MIDEAS: variants seen among roughly 807,000 people sequenced by gnomAD.
MIDEAS encodes the protein mitotic deacetylase associated SANT domain protein.
Under a neutral mutation model 102.7 loss-of-function variants are expected in MIDEAS, and 26 were observed. The ratio of observed to expected loss-of-function variants is 0.25; its 90% CI spans 0.19 to 0.35. The LOEUF is 0.35. Ranked by LOEUF, MIDEAS falls within the 10% of genes least tolerant of loss-of-function variation. MIDEAS has a pLI of 1.00. For missense variants in MIDEAS, 1,231 were observed against 1,435.6 expected (o/e 0.86, Z 2.30); for synonymous variants, 585 against 591.0 (o/e 0.99, Z 0.15).
chr14:73,771,960 G>A (rs890881217), intron 1 of MIDEAS, among the ~76,000 whole-genome samples: 1 of 152,244 alleles, frequency 6.6e-6, no homozygotes, highest in African/African-American at 2.4e-5. Context: ...CCTGAAGTAA[G>A]AGGCAGCCCA....
intron 1 of MIDEAS, among the ~76,000 whole-genome samples, chr14:73,779,539 ATT>A (rs113477317): frequency 1.4e-5 from 2 of 139,418 alleles, no homozygotes; most frequent in African/African-American, 5.2e-5. Context: ...ACATTCTTTT[ATT>A]TTTTTTTAAT....
In MIDEAS at chr14:73,739,853, T is replaced by A. The variant is rs2053260529; in HGVS notation, c.156A>T (p.Pro52=). The A allele has an allele frequency of 4.4e-6, 7 of 1,598,274 alleles. No individual in the cohort carries two copies. The highest frequency in any genetic ancestry group is 6.0e-6 in the Non-Finnish European group (7 of 1,170,154). ...GCTGAGAGGTGGAGACTGCCCCTCC[T>A]GGACCCTCGTGCCCGAGGTACTGCT... is the stretch of plus-strand genomic sequence containing the variant. ...KEEQYLGHEG[P]GGAVSTSQPV... is the part of the protein sequence containing the mutation. The change falls in exon 2 of 13, where the codon CCA becomes CCT. Residue 52 remains proline (P), a synonymous_variant. Transcript: ENST00000423556.
chr14:73,760,388 C>T (rs1566604033), upstream of MIDEAS: 1 of 152,280 alleles, frequency 6.6e-6, no homozygotes, highest in Non-Finnish European at 1.5e-5. The surrounding 1 kb of genome is among the most constrained non-coding windows in gnomAD (Gnocchi z 4.8). Context: ...CGTCCTTAAA[C>T]CTCAGGCGGC....
In MIDEAS at chr14:73,739,439, C is replaced by T; in HGVS notation, c.570G>A (p.Glu190=). 1 of 1,591,108 alleles carries T rather than the reference C, an allele frequency of 6.3e-7. No individual in the cohort carries two copies. Among genetic ancestry groups the T allele is most frequent in the Non-Finnish European group, 8.6e-7 (1 of 1,167,526 alleles). ...RPMMPQKVQL[E]VGRPQAPLNS... ...TCAGGGGTGCCTGGGGCCGCCCTACCTCCAGCTGCACCTTCTGTGGCATCA... is the reference window on the plus strand; with the variant it reads ...TCAGGGGTGCCTGGGGCCGCCCTACTTCCAGCTGCACCTTCTGTGGCATCA... Residue 190 remains glutamate, a synonymous_variant, in exon 2 of 13, where the codon GAG becomes GAA. Coordinates refer to ENST00000423556, the MANE Select transcript of MIDEAS (RefSeq NM_001367710.1).
Position 73,742,827 on chromosome 14 carries a change from A to C in MIDEAS, c.-247-2572T>G, listed in dbSNP as rs941613961. ...GGGGAGAAGAGTGGAAGATACTGGC[A>C]GCCTGGGAGGAAGGGTGAAGAGGCA... On this transcript the variant is annotated intron_variant, in intron 1 of 12. Transcript: ENST00000423556. This position sits in a 1 kb window ranked among gnomAD's most constrained non-coding sequence, Gnocchi z 4.4. Among the ~76,000 whole-genome samples the C allele has an allele frequency of 2.0e-5, 3 of 152,142 alleles. No homozygotes were observed. The highest frequency in any genetic ancestry group is 7.2e-5 in the African/African-American group (3 of 41,432).
At chr14:73,745,991 C>T (rs538211949) in intron 1 of MIDEAS, among the ~76,000 whole-genome samples, 5 of 152,286 alleles carry the variant, frequency 3.3e-5, no homozygotes, top group African/African-American at 1.2e-4. Context: ...GTCACGAGTC[C>T]CAGGGGTCTC....
chr14:73,748,423 C>A (rs958450030), intron 1 of MIDEAS, among the ~76,000 whole-genome samples: 1 of 152,072 alleles, frequency 6.6e-6, no homozygotes, highest in African/African-American at 2.4e-5. Flanking sequence ...CCCAGCTACT[C>A]GGGAGGCTGA....
intron 1 of MIDEAS, among the ~76,000 whole-genome samples, chr14:73,752,492 G>A (rs1402098537): frequency 6.6e-6 from 1 of 152,202 alleles, no homozygotes; most frequent in Non-Finnish European, 1.5e-5. Context: ...GGTTGGATGG[G>A]TCGGTGTCTG....
In MIDEAS at chr14:73,737,204, G is replaced by A; in HGVS notation, c.1543C>T (p.Arg515Ter). 1 of 1,614,120 alleles carries A rather than the reference G, an allele frequency of 6.2e-7. No homozygotes were observed. Among genetic ancestry groups the A allele is most frequent in the Non-Finnish European group, 8.5e-7 (1 of 1,180,030 alleles). Residue 515 changes from arginine to a stop codon, truncating the protein, a stop_gained, in exon 3 of 13, where the codon CGA (arginine) becomes TGA (stop). Coordinates refer to ENST00000423556, the MANE Select transcript of MIDEAS (RefSeq NM_001367710.1). LOFTEE classifies it high-confidence loss of function. ...EFSEPSLATK[R>*]AREDSGMVPL... is the part of the protein sequence containing the mutation. ...ACCATCCCACTGTCTTCTCGTGCTC[G>A]CTTGGTGGCTAAGGAAGGCTCAGAA...
Position 73,739,483 on chromosome 14 carries a change from C to A in MIDEAS, c.526G>T (p.Asp176Tyr). The A allele has an allele frequency of 6.2e-7, 1 of 1,610,888 alleles. No homozygotes were observed. The highest frequency in any genetic ancestry group is 2.2e-5 in the East Asian group (1 of 44,884). Residue 176 changes from aspartate to tyrosine, a missense_variant, in exon 2 of 13, where the codon GAC (aspartate) becomes TAC (tyrosine). Physicochemically the swap from Asp to Tyr is radical, Grantham distance 160. Transcript: ENST00000423556. ...KREKAGGPQL[D>Y]RYVRPMMPQK... ...GGCATCATTGGTCGCACATAGCGGT[C>A]CAGCTGTGGGCCCCCCGCTTTCTCC... is the stretch of plus-strand genomic sequence containing the variant.
intron 1 of MIDEAS, among the ~76,000 whole-genome samples, chr14:73,753,751 G>A (rs1419360553): frequency 1.3e-5 from 2 of 152,254 alleles, no homozygotes; most frequent in East Asian, 1.9e-4. Context: ...CTGCAGGCAC[G>A]CAGAGCTTCC....
At chr14:73,737,405 C>A (rs2053217212) in intron 2 of MIDEAS, 108 bp from the exon 3 acceptor site, 6 of 1,252,802 alleles carry the variant, frequency 4.8e-6, no homozygotes, top group South Asian at 3.0e-5. Context: ...TAAAGGATCA[C>A]TTGACGCCAC....
At chr14:73,772,674 A>G (rs1365188227) in intron 1 of MIDEAS, among the ~76,000 whole-genome samples, 2 of 152,164 alleles carry the variant, frequency 1.3e-5, no homozygotes, top group East Asian at 1.9e-4. Context: ...TAATAAATAG[A>G]TATCTTTGTA....
intron 1 of MIDEAS, among the ~76,000 whole-genome samples, chr14:73,771,749 G>T (rs1000197688): frequency 3.3e-5 from 5 of 152,236 alleles, no homozygotes; most frequent in African/African-American, 4.8e-5. Flanking sequence ...TGAACTGGAT[G>T]GATGTGGCTA....
At chr14:73,789,322 C>T (rs538800105), upstream of MIDEAS, among the ~76,000 whole-genome samples, 32 of 152,298 alleles carry the variant, frequency 2.1e-4, no homozygotes, top group African/African-American at 6.5e-4. Flanking sequence ...CTGCCACGTC[C>T]TAAGGCAGCC....
chr14:73,766,123 C>G (rs964298795), intron 1 of MIDEAS, among the ~76,000 whole-genome samples: 5 of 152,340 alleles, frequency 3.3e-5, no homozygotes, highest in South Asian at 2.1e-4. Flanking sequence ...TCCTAAGGAC[C>G]AGACAGCCAC....
chr14:73,727,221 C>T (rs1290374861), intron 5 of MIDEAS: 4 of 625,562 alleles, frequency 6.4e-6, no homozygotes, highest in Non-Finnish European at 1.1e-5. Flanking sequence ...CTGGACCCCC[C>T]TTTCAACTCT....
chr14:73,737,308 T>C lies in MIDEAS; in HGVS notation c.1450-11A>G, dbSNP rs1322377773. 2 of 1,604,628 alleles carry C rather than the reference T, an allele frequency of 1.2e-6. No homozygotes were observed. Among genetic ancestry groups the C allele is most frequent in the African/African-American group, 2.7e-5 (2 of 74,708 alleles). The stretch of plus-strand genomic sequence containing the variant: ...AGAACCACTGCCATCCTGGACAAGA[T>C]GGGAACAGAAGTGCAATTTAAAAGG... On this transcript the variant is annotated splice_polypyrimidine_tract_variant and intron_variant, in intron 2 of 12. Transcript: ENST00000423556.
At chr14:73,744,438 T>C (rs1767386524) in intron 1 of MIDEAS, among the ~76,000 whole-genome samples, 1 of 152,212 alleles carries the variant, frequency 6.6e-6, no homozygotes, top group Non-Finnish European at 1.5e-5. Context: ...GGCTCAGCTC[T>C]GACCTGGGGA....
Sources: allele counts gnomAD v4.1 joint callset (sites outside exome capture counted in the v4.1 genomes callset), GRCh38; gene constraint gnomAD v4.1.1; non-coding constraint Gnocchi (gnomAD v3.1); transcripts MANE v1.5; gene names NCBI Gene and HGNC (gene_info 2026-07-23, HGNC 2026-07-21).